PDK1: variants seen among roughly 807,000 people sequenced by gnomAD.
PDK1 encodes pyruvate dehydrogenase kinase 1, also known as [Pyruvate dehydrogenase (acetyl-transferring)] kinase isozyme 1, mitochondrial.
In PDK1, 39 loss-of-function variants were observed where a neutral mutation model predicts 54.2. The observed-to-expected ratio is 0.72, with a 90% CI of 0.56 to 0.94. The LOEUF is 0.94. PDK1 is among the 40% of genes least tolerant of loss of function. PDK1 has a pLI of 0.00. For missense variants in PDK1, 552 were observed against 566.0 expected, an observed-to-expected ratio of 0.98 and a Z score of 0.25; for synonymous variants, 221 against 207.1, an observed-to-expected ratio of 1.07 and a Z score of -0.58.
chr2:172,576,465 T>C (rs1689593664), intron 8 of PDK1, among the ~76,000 whole-genome samples: 1 of 151,962 alleles, frequency 6.6e-6, no homozygotes, highest in African/African-American at 2.4e-5. Flanking sequence ...TTCATTGATT[T>C]TCTCCATTTT....
At chr2:172,722,804 A>G in the PDK1 span, among the ~76,000 whole-genome samples, 7 of 152,166 alleles carry the variant, frequency 4.6e-5, no homozygotes, top group African/African-American at 1.4e-4. Context: ...GGCACTTACC[A>G]TTAAGGCAAT....
chr2:172,690,258 C>T, the PDK1 span, among the ~76,000 whole-genome samples: 2 of 150,564 alleles, frequency 1.3e-5, no homozygotes, highest in African/African-American at 2.4e-5. Flanking sequence ...AAATGCTCAT[C>T]GTCACTGATC....
chr2:172,569,603 T>G (rs1429013194), intron 7 of PDK1, among the ~76,000 whole-genome samples: 1 of 152,116 alleles, frequency 6.6e-6, no homozygotes, highest in African/African-American at 2.4e-5. Flanking sequence ...AAAGGAAAAG[T>G]GCACTGAAAC....
intron 3 of PDK1, chr2:172,562,668 G>A (rs1688719007): frequency 2.4e-6 from 2 of 833,928 alleles, no homozygotes; most frequent in Non-Finnish European, 2.0e-6. Context: ...AAAGCTACAA[G>A]TCTAGATTTG....
At chr2:172,627,001 A>C in the PDK1 span, among the ~76,000 whole-genome samples, 1 of 152,244 alleles carries the variant, frequency 6.6e-6, no homozygotes, top group South Asian at 2.1e-4. Flanking sequence ...CCATTCTTGC[A>C]GAATTCTAAA....
chr2:172,719,131 C>T, the PDK1 span, among the ~76,000 whole-genome samples: 2 of 152,160 alleles, frequency 1.3e-5, no homozygotes, highest in Non-Finnish European at 2.9e-5. Flanking sequence ...GATTTATCCA[C>T]GTTGCTGCAT....
the PDK1 span, among the ~76,000 whole-genome samples, chr2:172,622,734 TATTATGTGAGATATGTTTATATCTC>T: frequency 2.3e-5 from 3 of 131,294 alleles, no homozygotes; most frequent in Admixed American, 1.5e-4. Flanking sequence ...TTATATCTCA[TATTATGTGAGATATGTTTATATCTC>T]ATTATGTGAG....
In PDK1 at chr2:172,570,866, TA is replaced by T; in HGVS notation, c.945+44del. ...GTTTGTTTTCTTTTTTTTTTTTTTG[TA>T]ATTGATGAACAGACATGCAAAGGTA... On this transcript the variant is annotated intron_variant, in intron 8 of 10. Transcript: ENST00000282077. The T allele has an allele frequency of 6.5e-6, 7 of 1,071,138 alleles. No individual in the cohort carries two copies. In the South Asian group the frequency reaches 9.6e-5, roughly 15 times the overall value. 66.4% of individuals were successfully genotyped at this position (1,071,138 alleles called of 1,614,324 possible).
chr2:172,557,615 G>A (rs1688410645), intron 1 of PDK1, among the ~76,000 whole-genome samples: 1 of 114,074 alleles, frequency 8.8e-6, no homozygotes, highest in Admixed American at 9.3e-5. Context: ...TTTCCCGTGT[G>A]TGTGTGTGTG....
chr2:172,691,880 A>G, the PDK1 span, among the ~76,000 whole-genome samples: 68 of 152,236 alleles, frequency 4.5e-4, no homozygotes, highest in African/African-American at 1.6e-3. Context: ...ATAAACATCC[A>G]TGTGTAGTTT....
At chr2:172,589,807 C>T (rs934928211) in intron 9 of PDK1, among the ~76,000 whole-genome samples, 4 of 152,170 alleles carry the variant, frequency 2.6e-5, no homozygotes, top group Admixed American at 6.5e-5. Flanking sequence ...AAACCATTTT[C>T]CCATTTATCC....
At chr2:172,654,640 T>TA in the PDK1 span, among the ~76,000 whole-genome samples, 48 of 151,938 alleles carry the variant, frequency 3.2e-4, no homozygotes, top group African/African-American at 1.1e-3. Context: ...GGAATAGCAT[T>TA]AGGAGGTATA....
chr2:172,593,174 C>G (rs1690699363), intron 10 of PDK1, 126 bp downstream of exon 10: 1 of 492,058 alleles, frequency 2.0e-6, no homozygotes, highest in Non-Finnish European at 3.7e-6. Flanking sequence ...TGGTTTTTTG[C>G]TGGGGATCTC....
Position 172,569,003 on chromosome 2 carries a change from A to G in PDK1, c.846+186A>G, listed in dbSNP as rs527650071. ...GACATCTCCATGTAGTGGTGAGCTCAGACTATGGAGTCAGAAAGACCTGGG... is the reference window on the plus strand; with the variant it reads ...GACATCTCCATGTAGTGGTGAGCTCGGACTATGGAGTCAGAAAGACCTGGG... On this transcript the variant is annotated intron_variant, in intron 7 of 10. Coordinates refer to ENST00000282077, the MANE Select transcript of PDK1 (RefSeq NM_002610.5). Among the ~76,000 whole-genome samples, 49 of 152,334 alleles carry G rather than the reference A, an allele frequency of 3.2e-4. 1 individual carries two copies. In the South Asian group the frequency reaches 9.7e-3, roughly 30 times the overall value.
Position 172,578,243 on chromosome 2 carries a change from C to T in PDK1, c.945+7419C>T, listed in dbSNP as rs543312000. On this transcript the variant is annotated intron_variant, in intron 8 of 10. Transcript: ENST00000282077. ...TGTGATGAGTCATTTCTCTGTTTCT[C>T]AGACTGGATAATTTCAATTGACCTG... Among the ~76,000 whole-genome samples the T allele has an allele frequency of 2.0e-5, 3 of 152,324 alleles. No individual in the cohort carries two copies. In the East Asian group the frequency reaches 5.8e-4, roughly 29 times the overall value.
At position 172,600,227 on chromosome 2, in the gene PDK1, CAGTTAT is replaced by C. The variant is rs545614515; in HGVS notation, c.*4262_*4267del. 3.9e-5 allele frequency: 6 copies of C among 152,190 alleles called. No individual in the cohort carries two copies. In the South Asian group the frequency reaches 1.2e-3, roughly 32 times the overall value. The allele number at this position is 152,190 out of a possible 1,614,324, so 9.4% of individuals were successfully genotyped here. A position where few individuals can be genotyped will look rare whatever the true frequency, so the allele number is the denominator to read the frequency against. On this transcript the variant is annotated 3_prime_UTR_variant, in exon 11 of 11. Transcript: ENST00000282077. ...TCTCATTATGGAATTCAGAATGTGA[CAGTTAT>C]AGTACTACATGAAAATACTTAATAT...
chr2:172,651,918 A>C, the PDK1 span, among the ~76,000 whole-genome samples: 1 of 152,272 alleles, frequency 6.6e-6, no homozygotes, highest in Non-Finnish European at 1.5e-5. Context: ...ATTCCTTCTG[A>C]AACTATTCCA....
chr2:172,576,314 CTTTTTA>C (rs1159842708), intron 8 of PDK1, among the ~76,000 whole-genome samples: 1 of 151,736 alleles, frequency 6.6e-6, no homozygotes, highest in Non-Finnish European at 1.5e-5. Context: ...CCTAATAATT[CTTTTTA>C]TTTTTGTAAG....
At chr2:172,661,243 A>G in the PDK1 span, among the ~76,000 whole-genome samples, 1 of 152,206 alleles carries the variant, frequency 6.6e-6, no homozygotes, top group Non-Finnish European at 1.5e-5. Context: ...GCTGACTGTT[A>G]CAGTTTAGGA....
Sources: gnomAD v4.1 joint callset for allele counts (sites outside exome capture counted in the v4.1 genomes callset) on GRCh38, gnomAD v4.1.1 for gene constraint, MANE v1.5 for transcripts, NCBI Gene and HGNC (gene_info 2026-07-23, HGNC 2026-07-21) for gene names.